Variants in SGPP2 observed in about 807,000 individuals in gnomAD.
The protein encoded by SGPP2 is sphingosine-1-phosphate phosphatase 2, also known as sphingosine 1-phosphate phosphohydrolase 2.
A neutral mutation model predicts 33.9 loss-of-function variants in SGPP2; 30 were observed. The observed-to-expected ratio is 0.89, with a 90% CI of 0.66 to 1.20. SGPP2 has a LOEUF of 1.20. Among genes scored for constraint, SGPP2 ranks in the 50% most tolerant of loss-of-function variants. The pLI is 0.00. For synonymous variants in SGPP2, 233 were observed against 225.0 expected, an observed-to-expected ratio of 1.04 and a Z score of -0.32; for missense variants, 458 against 532.1, an observed-to-expected ratio of 0.86 and a Z score of 1.37.
chr2:222,461,387 T>G (rs1188090937), intron 1 of SGPP2, among the ~76,000 whole-genome samples: 1 of 152,118 alleles, frequency 6.6e-6, no homozygotes, highest in Non-Finnish European at 1.5e-5. Flanking sequence ...TCCCCAGCCT[T>G]TTTGGCATCA....
intron 1 of SGPP2, among the ~76,000 whole-genome samples, chr2:222,444,843 T>A (rs1697376456): frequency 6.6e-6 from 1 of 152,218 alleles, no homozygotes; most frequent in African/African-American, 2.4e-5. Context: ...TGGAGTTTTT[T>A]TTATTAGAGT....
intron 2 of SGPP2, among the ~76,000 whole-genome samples, chr2:222,502,599 C>T (rs10201485): frequency 0.87 from 131,832 of 152,212 alleles, 58,107 homozygotes; most frequent in East Asian, 0.99. Flanking sequence ...ATTAGGGATG[C>T]TCAACCTATA....
chr2:222,520,476 A>G (rs966253161), intron 2 of SGPP2, among the ~76,000 whole-genome samples: 1 of 152,148 alleles, frequency 6.6e-6, no homozygotes, highest in African/African-American at 2.4e-5. Context: ...CACGTCTGTA[A>G]TCCCAGCACT....
chr2:222,481,692 G>A (rs1350724763), intron 2 of SGPP2, among the ~76,000 whole-genome samples: 3 of 151,996 alleles, frequency 2.0e-5, no homozygotes, highest in East Asian at 1.9e-4. Context: ...TCCTGTCCTC[G>A]GGCACTTAAT....
rs1698084573 is a variant in SGPP2 at position 222,485,080 on chromosome 2, A to G, written c.378+10354A>G. 1.3e-5 allele frequency among the ~76,000 whole-genome samples: 2 copies of G among 152,202 alleles called. 1 individual carries two copies. The highest frequency in any genetic ancestry group is 4.1e-4 in the South Asian group (2 of 4,834). ...TCCAAAGAGATGAAGTGGCTTGCTC[A>G]AAGGGACACAACCAGTAAATAGAAT... On this transcript the variant is annotated intron_variant, in intron 2 of 4. Transcript: ENST00000321276.
At chr2:222,518,849 A>G (rs756277318) in intron 2 of SGPP2, among the ~76,000 whole-genome samples, 1 of 152,228 alleles carries the variant, frequency 6.6e-6, no homozygotes, top group Non-Finnish European at 1.5e-5. Context: ...AGCCCAGAGC[A>G]AAGTGGCAGT....
intron 4 of SGPP2, among the ~76,000 whole-genome samples, chr2:222,541,750 A>G (rs1030639171): frequency 2.0e-5 from 3 of 151,868 alleles, no homozygotes; most frequent in Non-Finnish European, 4.4e-5. Context: ...AGTAGCTAGG[A>G]TTACAGGCAT....
intron 2 of SGPP2, among the ~76,000 whole-genome samples, chr2:222,496,141 T>C (rs1374862672): frequency 6.6e-6 from 1 of 152,212 alleles, no homozygotes; most frequent in East Asian, 1.9e-4. Context: ...TGCTTTTTAT[T>C]TGACAAAGAT....
intron 4 of SGPP2, among the ~76,000 whole-genome samples, chr2:222,557,085 G>A (rs1689424372): frequency 6.6e-6 from 1 of 152,176 alleles, no homozygotes; most frequent in African/African-American, 2.4e-5. Context: ...AGTACTCATG[G>A]CGTGGGTTGG....
intron 1 of SGPP2, among the ~76,000 whole-genome samples, chr2:222,442,265 G>T (rs1009106130): frequency 2.6e-5 from 4 of 152,008 alleles, no homozygotes; most frequent in African/African-American, 7.2e-5. Context: ...TTTAATTGTT[G>T]TATGTCATTG....
intron 1 of SGPP2, among the ~76,000 whole-genome samples, chr2:222,449,864 T>C (rs1343959318): frequency 2.0e-5 from 3 of 152,212 alleles, no homozygotes; most frequent in Non-Finnish European, 2.9e-5. Flanking sequence ...TTGTGACTTC[T>C]GATCTGTGAG....
chr2:222,506,569 T>A (rs913480628), intron 2 of SGPP2, among the ~76,000 whole-genome samples: 16 of 152,204 alleles, frequency 1.1e-4, no homozygotes, highest in African/African-American at 3.9e-4. Flanking sequence ...ATTGCAAGAA[T>A]ACAGTATATA....
At chr2:222,496,865 G>C (rs1176500924) in intron 2 of SGPP2, among the ~76,000 whole-genome samples, 1 of 152,114 alleles carries the variant, frequency 6.6e-6, no homozygotes, top group Non-Finnish European at 1.5e-5. Flanking sequence ...TCTTGAACCT[G>C]GCATCTGGCA....
At chr2:222,425,547 G>A (rs1021446429) in intron 1 of SGPP2, among the ~76,000 whole-genome samples, 3 of 152,194 alleles carry the variant, frequency 2.0e-5, no homozygotes, top group African/African-American at 7.2e-5. Flanking sequence ...GCGGCTTGGG[G>A]GGAACCAGCG....
At chr2:222,529,792 G>C (rs1009916192) in intron 4 of SGPP2, among the ~76,000 whole-genome samples, 1 of 152,132 alleles carries the variant, frequency 6.6e-6, no homozygotes, top group African/African-American at 2.4e-5. Flanking sequence ...GTTCTTAATG[G>C]CATCTAGAAT....
intron 1 of SGPP2, among the ~76,000 whole-genome samples, chr2:222,435,055 C>T (rs11688268): frequency 1.3e-4 from 3 of 22,838 alleles, no homozygotes; most frequent in Admixed American, 6.6e-4. Context: ...TATATACACA[C>T]ATATACACAT....
chr2:222,462,432 G>A (rs1038717837), intron 1 of SGPP2, among the ~76,000 whole-genome samples: 21 of 152,104 alleles, frequency 1.4e-4, no homozygotes, highest in African/African-American at 4.8e-4. Flanking sequence ...GTCATCTGGT[G>A]GGCTTGTTTG....
At chr2:222,528,122 A>G (rs1206515689) in intron 4 of SGPP2, among the ~76,000 whole-genome samples, 1 of 152,214 alleles carries the variant, frequency 6.6e-6, no homozygotes, top group African/African-American at 2.4e-5. Flanking sequence ...GTTCTCAACC[A>G]TAGCTGCATA....
intron 1 of SGPP2, among the ~76,000 whole-genome samples, chr2:222,450,179 T>C (rs1697462341): frequency 6.6e-6 from 1 of 152,212 alleles, no homozygotes; most frequent in Non-Finnish European, 1.5e-5. Context: ...AAGCACTCAC[T>C]AACTGTTCCA....
Sources: allele counts gnomAD v4.1 joint callset (sites outside exome capture counted in the v4.1 genomes callset), GRCh38; gene constraint gnomAD v4.1.1; transcripts MANE v1.5; gene names NCBI Gene and HGNC (gene_info 2026-07-23, HGNC 2026-07-21).